The following IGF2BP3 variants were observed in gnomAD, a reference collection of about 807,000 sequenced individuals.
The protein encoded by IGF2BP3 is insulin-like growth factor 2 mRNA-binding protein 3.
A neutral mutation model predicts 73.8 loss-of-function variants in IGF2BP3; 9 were observed. The ratio of observed to expected loss-of-function variants is 0.12; its 90% CI spans 0.07 to 0.21. IGF2BP3 has a LOEUF of 0.21. Ranked by LOEUF, IGF2BP3 falls within the 10% of genes least tolerant of loss-of-function variation. The probability of loss-of-function intolerance (pLI) is 1.00; values close to 1 mark genes in which losing one functional copy is unlikely to be tolerated. For missense variants in IGF2BP3, 542 were observed against 714.0 expected (o/e 0.76, Z 2.75); for synonymous variants, 258 against 256.7 (o/e 1.01, Z -0.05).
At chr7:23,395,163 G>T (rs1786411415) in intron 3 of IGF2BP3, among the ~76,000 whole-genome samples, 1 of 152,132 alleles carries the variant, frequency 6.6e-6, no homozygotes, top group Non-Finnish European at 1.5e-5. Flanking sequence ...ACTAAAGTCT[G>T]AGGTTTTCCT....
At chr7:23,370,246 C>A (rs1213751804) in intron 3 of IGF2BP3, among the ~76,000 whole-genome samples, 1 of 152,170 alleles carries the variant, frequency 6.6e-6, no homozygotes, top group Non-Finnish European at 1.5e-5. Context: ...TTTATTTTCC[C>A]ACTAGACTAG....
chr7:23,431,972 C>A (rs554153923), intron 2 of IGF2BP3, among the ~76,000 whole-genome samples: 1 of 152,252 alleles, frequency 6.6e-6, no homozygotes, highest in African/African-American at 2.4e-5. Context: ...TCATCTCAGG[C>A]AATTATTCAA....
Position 23,470,252 on chromosome 7 carries a change from A to G in IGF2BP3, c.-142T>C, listed in dbSNP as rs62468789. ...CACAAACACAGTAAGAACCAAGCAC[A>G]AGAACGAGGAGTGAAAAATCAGATC... On this transcript the variant is annotated 5_prime_UTR_variant, in exon 1 of 15. Transcript: ENST00000258729. 63,488 of 588,942 alleles carry G rather than the reference A, an allele frequency of 0.11. 4,059 individuals are homozygous for G. The highest frequency in any genetic ancestry group is 0.14 in the Non-Finnish European group (46,530 of 342,438). The allele number at this position is 588,942 out of a possible 1,614,324, so 36.5% of individuals were successfully genotyped here.
rs370034312 is a variant in IGF2BP3 at position 23,327,064 on chromosome 7, TAATAAATA to T, written c.1204-7818_1204-7811del. ...CACATGTACCCTAAAACTTAAAGTATAATAAATAAATTAATTAATTAATTAATTAAAAA... is the reference window on the plus strand; with the variant it reads ...CACATGTACCCTAAAACTTAAAGTATAATTAATTAATTAATTAATTAAAAA... On this transcript the variant is annotated intron_variant, in intron 10 of 14. Coordinates refer to ENST00000258729, the MANE Select transcript of IGF2BP3 (RefSeq NM_006547.3). 1.7e-3 allele frequency among the ~76,000 whole-genome samples: 256 copies of T among 149,918 alleles called. 1 individual carries two copies. The highest frequency in any genetic ancestry group is 6.4e-3 in the African/African-American group (253 of 39,536).
intron 2 of IGF2BP3, among the ~76,000 whole-genome samples, chr7:23,442,905 T>C (rs1349087211): frequency 6.6e-6 from 1 of 152,130 alleles, no homozygotes; most frequent in Non-Finnish European, 1.5e-5. Flanking sequence ...CAAATTAAAA[T>C]GTACCATAAA....
At chr7:23,428,571 G>A (rs1027529861) in intron 2 of IGF2BP3, among the ~76,000 whole-genome samples, 1 of 150,114 alleles carries the variant, frequency 6.7e-6, no homozygotes, top group Non-Finnish European at 1.5e-5. Flanking sequence ...AATGGGTATG[G>A]TGGTACATAC....
chr7:23,433,232 TA>T (rs1487429766), intron 2 of IGF2BP3, among the ~76,000 whole-genome samples: 50 of 150,748 alleles, frequency 3.3e-4, no homozygotes, highest in African/African-American at 1.1e-3. Context: ...AATATCATTA[TA>T]TTTTTTTCCC....
At chr7:23,342,898 G>A (rs532856484) in intron 9 of IGF2BP3, among the ~76,000 whole-genome samples, 41 of 152,298 alleles carry the variant, frequency 2.7e-4, no homozygotes, top group African/African-American at 9.6e-4. Context: ...AAGCAGGTTG[G>A]CAAGAAGTCA....
At chr7:23,389,195 C>T (rs1398441786) in intron 3 of IGF2BP3, among the ~76,000 whole-genome samples, 2 of 150,260 alleles carry the variant, frequency 1.3e-5, no homozygotes, top group African/African-American at 2.5e-5. Context: ...GAGTCTCACT[C>T]TGTCGCCCAG....
At chr7:23,445,194 T>G (rs1183983182) in intron 2 of IGF2BP3, among the ~76,000 whole-genome samples, 1 of 152,246 alleles carries the variant, frequency 6.6e-6, no homozygotes, top group African/African-American at 2.4e-5. Context: ...TGCACAGTAG[T>G]TGCATTTGAG....
intron 2 of IGF2BP3, among the ~76,000 whole-genome samples, chr7:23,466,023 G>GGT (rs1192514062): frequency 7.0e-6 from 1 of 143,272 alleles, no homozygotes; most frequent in Non-Finnish European, 1.6e-5. Flanking sequence ...AGAGAAAAAA[G>GGT]GTTTTTTTTT....
At chr7:23,373,108 C>A (rs777759552) in intron 3 of IGF2BP3, among the ~76,000 whole-genome samples, 19 of 152,196 alleles carry the variant, frequency 1.2e-4, no homozygotes, top group Non-Finnish European at 2.4e-4. Flanking sequence ...AAAATCAAAT[C>A]TGTCCATAGG....
intron 3 of IGF2BP3, among the ~76,000 whole-genome samples, chr7:23,408,930 G>T (rs548790580): frequency 8.5e-4 from 130 of 152,150 alleles, no homozygotes; most frequent in African/African-American, 3.0e-3. Context: ...TCGCACCAGG[G>T]ACTGGTTTCA....
chr7:23,398,248 T>C (rs1786541796), intron 3 of IGF2BP3, among the ~76,000 whole-genome samples: 1 of 152,192 alleles, frequency 6.6e-6, no homozygotes, highest in South Asian at 2.1e-4. Flanking sequence ...GAACTCATCA[T>C]TTTTTATGGC....
chr7:23,339,506 C>T lies in IGF2BP3; in HGVS notation c.1203+2558G>A, dbSNP rs556529527. Among the ~76,000 whole-genome samples the T allele has an allele frequency of 7.2e-5, 11 of 152,290 alleles. 1 individual carries two copies. Among genetic ancestry groups the T allele is most frequent in the African/African-American group, 2.6e-4 (11 of 41,560 alleles). ...AAAAATAGTTACCTACAAGTTCACT[C>T]TAGGAATTTTGGCTACTGAAGCATC... On this transcript the variant is annotated intron_variant, in intron 10 of 14. Transcript: ENST00000258729.
chr7:23,314,263 A>G, intron 12 of IGF2BP3, among the ~76,000 whole-genome samples: 1 of 150,270 alleles, frequency 6.7e-6, no homozygotes, highest in East Asian at 2.0e-4. Flanking sequence ...GGTCACTGCA[A>G]CCCCCGCCTC....
chr7:23,370,680 T>C (rs904728319), intron 3 of IGF2BP3, among the ~76,000 whole-genome samples: 6 of 149,150 alleles, frequency 4.0e-5, no homozygotes, highest in African/African-American at 1.5e-4. Flanking sequence ...TTTTGGTTTT[T>C]TTGTTTTTTT....
chr7:23,457,748 G>A (rs938544517), intron 2 of IGF2BP3, among the ~76,000 whole-genome samples: 15 of 152,256 alleles, frequency 9.9e-5, no homozygotes, highest in African/African-American at 3.6e-4. Flanking sequence ...ATTCAGCAAC[G>A]AGTGTAAGCA....
chr7:23,318,437 C>T (rs950259688), intron 11 of IGF2BP3, among the ~76,000 whole-genome samples: 2 of 152,048 alleles, frequency 1.3e-5, no homozygotes, highest in African/African-American at 4.8e-5. Flanking sequence ...GTTGCACAGT[C>T]TGGTCTTCAG....
Sources: gnomAD v4.1 joint callset for allele counts (sites outside exome capture counted in the v4.1 genomes callset) on GRCh38, gnomAD v4.1.1 for gene constraint, MANE v1.5 for transcripts, NCBI Gene and HGNC (gene_info 2026-07-23, HGNC 2026-07-21) for gene names.